The following UCKL1 variants were observed in gnomAD, a reference collection of about 807,000 sequenced individuals.
The protein encoded by UCKL1 is uridine-cytidine kinase 1 like 1, also known as uridine-cytidine kinase-like 1.
UCKL1 carries 65 observed loss-of-function variants against 59.2 expected under a neutral mutation model. The observed-to-expected ratio is 1.10, with a 90% CI of 0.90 to 1.35. The LOEUF (loss-of-function observed/expected upper bound fraction) is 1.35. Among genes scored for constraint, UCKL1 ranks in the 40% most tolerant of loss-of-function variants. The pLI is 0.00. For missense variants in UCKL1, 703 were observed against 784.3 expected (o/e 0.90, Z 1.24); for synonymous variants, 410 against 323.1 (o/e 1.27, Z -2.88).
In UCKL1 at chr20:63,946,439, C is replaced by T. The variant is rs3818840; in HGVS notation, c.304+14G>A. ...GGCGTCCGGCAGCAGGTCCCACCCC[C>T]CCGCTGCTCTCACCGATGGCGAAGG... On this transcript the variant is annotated intron_variant, in intron 2 of 14. Coordinates refer to ENST00000354216, the MANE Select transcript of UCKL1 (RefSeq NM_017859.4). 10 of 1,536,516 alleles carry T rather than the reference C, an allele frequency of 6.5e-6. No individual in the cohort carries two copies. Among genetic ancestry groups the T allele is most frequent in the South Asian group, 6.3e-5 (5 of 79,752 alleles).
rs373214099 is a variant in UCKL1, at chr20:63,955,994, G to T, written c.113+266C>A. On this transcript the variant is annotated intron_variant, in intron 1 of 14. Transcript: ENST00000354216. Reference sequence around the variant, plus strand: ...AGGCCGAGGGCCCCACCCACCGGGGGCAGAGACCAAGGTCAACGCTGGGGG... The same window carrying T: ...AGGCCGAGGGCCCCACCCACCGGGGTCAGAGACCAAGGTCAACGCTGGGGG... The T allele has an allele frequency of 2.9e-3, 970 of 334,364 alleles. 36 individuals carry two copies. In the South Asian group the frequency reaches 0.043, roughly 15 times the overall value. The allele number at this position is 334,364 out of a possible 1,614,324, so 20.7% of individuals were successfully genotyped here.
rs777030523 is a variant in UCKL1 at position 63,940,072 on chromosome 20, G to A, written c.1568-17C>T. On this transcript the variant is annotated splice_polypyrimidine_tract_variant and intron_variant, in intron 14 of 14. Transcript: ENST00000354216. ...CAAAGTTCCCTGGAAAAAGGGGGGGGGGGGTCCAGTGTGGTGGGGCCTCCC... is the reference window on the plus strand; with the variant it reads ...CAAAGTTCCCTGGAAAAAGGGGGGGAGGGGTCCAGTGTGGTGGGGCCTCCC... 1.9e-6 allele frequency: 3 copies of A among 1,610,014 alleles called. No homozygotes were observed. The highest frequency in any genetic ancestry group is 4.5e-5 in the East Asian group (2 of 44,836).
In UCKL1 at chr20:63,940,775, G is replaced by A; in HGVS notation, c.1179+19C>T. ...GCCCCAGCAGCCTGTCCCGCGCCCA[G>A]GTGTGCCCAGGCAGGTACCTGCTTC... is the stretch of plus-strand genomic sequence containing the variant. On this transcript the variant is annotated intron_variant, in intron 11 of 14. Coordinates refer to ENST00000354216, the MANE Select transcript of UCKL1 (RefSeq NM_017859.4). 6.3e-7 allele frequency: 1 copy of A among 1,599,444 alleles called. No individual in the cohort carries two copies.
chr20:63,946,681 G>T, intron 1 of UCKL1, 38 bp from the exon 2 acceptor site: 1 of 1,586,944 alleles, frequency 6.3e-7, no homozygotes. Context: ...GCCCAGAGCT[G>T]CCCACCTCCC....
chr20:63,956,338 G>A lies in UCKL1; in HGVS notation c.35C>T (p.Pro12Leu), dbSNP rs372135185. The change falls in exon 1 of 15, where the codon CCT becomes CTT. Residue 12 changes from proline (P) to leucine (L), a missense_variant. By Grantham distance (98) the Pro-to-Leu change is moderately conservative. This residue lies in a region of UCKL1 where 398 missense variants were observed against 373.0 expected (regional missense o/e 1.07). Transcript: ENST00000354216. ...GGCCGTAGGTGGCGACGTGGGCGAA[G>A]GATCAGCGTCCGCGCGGGCCGGGGG... ...AAPPARADAD[P>L]SPTSPPTARD... 5.2e-6 allele frequency: 8 copies of A among 1,550,858 alleles called. No homozygotes were observed. Among genetic ancestry groups the A allele is most frequent in the Non-Finnish European group, 6.9e-6 (8 of 1,151,818 alleles).
chr20:63,940,996 A>C lies in UCKL1; in HGVS notation c.1070T>G (p.Leu357Arg), dbSNP rs927624409. ...RDEFIFYSKRLMRLLIEHALS... is the reference protein window; with the variant it reads ...RDEFIFYSKRRMRLLIEHALS... The stretch of plus-strand genomic sequence containing the variant: ...CGCGTGCTCGATGAGCAGCCGCATC[A>C]GTCTCTTGGAGTAGAAGATGAACTC... Residue 357 changes from leucine (L) to arginine (R), a missense_variant, in exon 10 of 15, where the codon CTG becomes CGG. Transcript: ENST00000354216. The C allele has an allele frequency of 6.5e-7, 1 of 1,537,042 alleles. No individual in the cohort carries two copies. Among genetic ancestry groups the C allele is most frequent in the Middle Eastern group, 1.8e-4 (1 of 5,706 alleles).
chr20:63,948,977 T>C (rs961002788), intron 1 of UCKL1, among the ~76,000 whole-genome samples: 4 of 151,766 alleles, frequency 2.6e-5, no homozygotes, highest in Non-Finnish European at 5.9e-5. Context: ...CAGGGGGCAG[T>C]GGAAGGAGGG....
chr20:63,948,621 T>TGTGAGAGGGAGGGGC (rs2056972247), intron 1 of UCKL1: 1 of 69,580 alleles, frequency 1.4e-5, no homozygotes, highest in African/African-American at 6.0e-5. Flanking sequence ...GGGAGGGGCG[T>TGTGAGAGGGAGGGGC]GTGTGAGAGG....
chr20:63,940,564 G>C (rs765830000), intron 12 of UCKL1, 30 bp downstream of exon 12: 1 of 1,604,754 alleles, frequency 6.2e-7, no homozygotes, highest in Non-Finnish European at 8.5e-7. Flanking sequence ...CCCTACCCCC[G>C]GGCTCATCAC....
At chr20:63,946,843 C>T (rs544805573) in intron 1 of UCKL1, among the ~76,000 whole-genome samples, 200 bp from the exon 2 acceptor site, 59 of 151,806 alleles carry the variant, frequency 3.9e-4, no homozygotes, top group Admixed American at 3.0e-3. Flanking sequence ...TTTGGGAGGC[C>T]GAGGCAGGTG....
At chr20:63,947,513 T>G (rs2056572008) in intron 1 of UCKL1, among the ~76,000 whole-genome samples, 1 of 152,166 alleles carries the variant, frequency 6.6e-6, no homozygotes, top group African/African-American at 2.4e-5. Flanking sequence ...GCTGAAGGGC[T>G]CAGGGAGAGA....
At chr20:63,946,712 G>A (rs558339910) in intron 1 of UCKL1, 69 bp from the exon 2 acceptor site, 151 of 1,420,708 alleles carry the variant, frequency 1.1e-4, no homozygotes, top group East Asian at 4.0e-4. Flanking sequence ...TGGCATGGCC[G>A]GCCCACAGGG....
Position 63,940,579 on chromosome 20 carries a change from G to C in UCKL1, c.1302+15C>G. On this transcript the variant is annotated intron_variant, in intron 12 of 14. Transcript: ENST00000354216. Reference sequence around the variant, plus strand: ...CCCTACCCCCGGGCTCATCACCCCGGCTGCCCCCAGGCACCTCGGGCTCCC... The same window carrying C: ...CCCTACCCCCGGGCTCATCACCCCGCCTGCCCCCAGGCACCTCGGGCTCCC... 6.2e-7 allele frequency: 1 copy of C among 1,606,452 alleles called. No individual in the cohort carries two copies. Among genetic ancestry groups the C allele is most frequent in the South Asian group, 1.1e-5 (1 of 90,958 alleles).
rs1569121185 is a variant in UCKL1, at chr20:63,948,579, A to AAAGGGAGGGG, written c.114-1937_114-1936insCCCCTCCCTT. The AAAGGGAGGGG allele has an allele frequency of 2.6e-3, 13 of 5,006 alleles. 1 individual carries two copies. The highest frequency in any genetic ancestry group is 6.3e-3 in the African/African-American group (12 of 1,898). The allele number at this position is 5,006 out of a possible 1,614,324, so 0.3% of individuals were successfully genotyped here. A position where few individuals can be genotyped will look rare whatever the true frequency, so the allele number is the denominator to read the frequency against. On this transcript the variant is annotated intron_variant, in intron 1 of 14. Coordinates refer to ENST00000354216, the MANE Select transcript of UCKL1 (RefSeq NM_017859.4). ...GGGAGGCGTGTGTGAGAGGGAGGGG[A>AAAGGGAGGGG]TGTGTGTGAGAGGGAGGGGGCGTGT...
Position 63,956,358 on chromosome 20 carries a change from C to A in UCKL1, c.15G>T (p.Pro5=), listed in dbSNP as rs577014584. MAAP[P]ARADADPSPT... is the part of the protein sequence containing the mutation. ...GCGAAGGATCAGCGTCCGCGCGGGC[C>A]GGGGGCGCAGCCATGGCGCTCGGAG... The change falls in exon 1 of 15, where the codon CCG becomes CCT. Residue 5 remains proline (P), a synonymous_variant. Transcript: ENST00000354216. The A allele has an allele frequency of 2.6e-6, 4 of 1,531,226 alleles. No individual in the cohort carries two copies. Among genetic ancestry groups the A allele is most frequent in the Middle Eastern group, 1.9e-4 (1 of 5,370 alleles). The allele number at this position is 1,531,226 out of a possible 1,614,324, so 94.9% of individuals were successfully genotyped here.
chr20:63,951,392 G>A (rs2057562032), intron 1 of UCKL1, among the ~76,000 whole-genome samples: 1 of 152,136 alleles, frequency 6.6e-6, no homozygotes, highest in Non-Finnish European at 1.5e-5. Flanking sequence ...AAAAGCTACA[G>A]TACCCCGGCC....
At chr20:63,946,015 G>C (rs772104986) in intron 3 of UCKL1, 40 bp from the exon 4 acceptor site, 1 of 1,612,570 alleles carries the variant, frequency 6.2e-7, no homozygotes, top group Non-Finnish European at 8.5e-7. Flanking sequence ...GGCACAGTAG[G>C]GCCCTCACCC....
intron 1 of UCKL1, among the ~76,000 whole-genome samples, chr20:63,950,033 G>A (rs1301248850): frequency 2.0e-5 from 3 of 152,218 alleles, no homozygotes; most frequent in Non-Finnish European, 4.4e-5. Context: ...TAACAACCCC[G>A]TCACCGCAGA....
Position 63,946,523 on chromosome 20 carries a change from G to A in UCKL1, c.234C>T (p.Thr78=), listed in dbSNP as rs755253654. ...EPPLLRTSKR[T]IYTAGRPPWY... is the part of the protein sequence containing the mutation. ...AGGGCGGCCGCCCGGCGGTGTAGAT[G>A]GTACGCTTGCTTGTACGCAGCAGGG... is the stretch of plus-strand genomic sequence containing the variant. Residue 78 remains threonine, a synonymous_variant, in exon 2 of 15, where the codon ACC becomes ACT. Transcript: ENST00000354216. 3.8e-5 allele frequency: 61 copies of A among 1,604,776 alleles called. No individual in the cohort carries two copies. Among genetic ancestry groups the A allele is most frequent in the Non-Finnish European group, 4.9e-5 (58 of 1,176,122 alleles).
Sources: allele counts gnomAD v4.1 joint callset (sites outside exome capture counted in the v4.1 genomes callset), GRCh38; gene constraint gnomAD v4.1.1; regional missense constraint gnomAD v4.1.1; transcripts MANE v1.5; gene names NCBI Gene and HGNC (gene_info 2026-07-23, HGNC 2026-07-21).